Variants in RBFOX3 observed in about 807,000 individuals in gnomAD.
RBFOX3 encodes RNA binding protein fox-1 homolog 3.
In RBFOX3, 17 loss-of-function variants were observed where a neutral mutation model predicts 48.7. The observed-to-expected ratio is 0.35, with a 90% CI of 0.24 to 0.52. The LOEUF is 0.52. RBFOX3 is among the 20% of genes least tolerant of loss of function. RBFOX3 has a pLI of 0.94. For missense variants in RBFOX3, 382 were observed against 497.5 expected, an observed-to-expected ratio of 0.77 and a Z score of 2.21; for synonymous variants, 212 against 209.5, an observed-to-expected ratio of 1.01 and a Z score of -0.10.
At chr17:79,631,291 G>T in the RBFOX3 span, among the ~76,000 whole-genome samples, 1 of 152,068 alleles carries the variant, frequency 6.6e-6, no homozygotes, top group Admixed American at 6.5e-5. Context: ...GGAAGTGTGG[G>T]TCTAAACACT....
At chr17:79,289,890 G>T (rs193038039) in intron 3 of RBFOX3, among the ~76,000 whole-genome samples, 1 of 152,204 alleles carries the variant, frequency 6.6e-6, no homozygotes, top group Admixed American at 6.5e-5. Context: ...AATAACACTG[G>T]GCTATAACTA....
rs1054633691 is a variant in RBFOX3, at chr17:79,345,931, T to C, written c.-174-38107A>G. 1.2e-4 allele frequency among the ~76,000 whole-genome samples: 19 copies of C among 152,310 alleles called. 1 individual carries two copies. Among genetic ancestry groups the C allele is most frequent in the African/African-American group, 4.6e-4 (19 of 41,580 alleles). On this transcript the variant is annotated intron_variant, in intron 2 of 14. Coordinates refer to ENST00000693108, the MANE Select transcript of RBFOX3 (RefSeq NM_001350451.2). ...GAGATTTGTTTTTTGTTTGTTTGTT[T>C]GTTTTGTTTTTTTGAGATGGAGTCT...
chr17:79,265,541 TAGAG>T (rs1213633727), intron 3 of RBFOX3, among the ~76,000 whole-genome samples: 1 of 152,344 alleles, frequency 6.6e-6, no homozygotes, highest in Non-Finnish European at 1.5e-5. Context: ...TCTGGAGAGT[TAGAG>T]AGTCTGATTT....
the RBFOX3 span, among the ~76,000 whole-genome samples, chr17:79,653,023 A>T: frequency 6.6e-6 from 1 of 151,790 alleles, no homozygotes; most frequent in Non-Finnish European, 1.5e-5. Context: ...ATCAGAATTT[A>T]GTGGGAAAAA....
intron 4 of RBFOX3, among the ~76,000 whole-genome samples, chr17:79,118,173 T>C (rs2034625075): frequency 1.3e-5 from 2 of 151,974 alleles, no homozygotes; most frequent in African/African-American, 4.8e-5. Context: ...ACTCGCTGAC[T>C]GGGAACCTAA....
chr17:79,387,784 A>G (rs2060763438), intron 2 of RBFOX3, among the ~76,000 whole-genome samples: 1 of 152,222 alleles, frequency 6.6e-6, no homozygotes, highest in South Asian at 2.1e-4. Context: ...GGGCACTTGG[A>G]GTTCAAGGGA....
At chr17:79,561,233 G>C (rs2092193745) in intron 1 of RBFOX3, among the ~76,000 whole-genome samples, 1 of 152,148 alleles carries the variant, frequency 6.6e-6, no homozygotes, top group Non-Finnish European at 1.5e-5. Flanking sequence ...ATGCCCCTGG[G>C]GGCTTAAGTT....
intron 4 of RBFOX3, among the ~76,000 whole-genome samples, chr17:79,129,427 G>C (rs1284470871): frequency 1.9e-5 from 2 of 104,192 alleles, no homozygotes; most frequent in Admixed American, 2.0e-4. Flanking sequence ...GTGTGCCCTA[G>C]AGACCCAGGG....
chr17:79,554,314 CTCACCT>C (rs2091419417), intron 1 of RBFOX3, among the ~76,000 whole-genome samples: 1 of 151,842 alleles, frequency 6.6e-6, no homozygotes, highest in African/African-American at 2.4e-5. Context: ...ACAGTCACCC[CTCACCT>C]GGCCCTCTCC....
At chr17:79,222,874 C>T in intron 4 of RBFOX3, among the ~76,000 whole-genome samples, 1 of 152,196 alleles carries the variant, frequency 6.6e-6, no homozygotes, top group East Asian at 1.9e-4. Context: ...TTGGGGAGCA[C>T]AGGGTGAGAA....
At chr17:79,378,154 C>A (rs987149384) in intron 2 of RBFOX3, among the ~76,000 whole-genome samples, 2 of 152,098 alleles carry the variant, frequency 1.3e-5, no homozygotes, top group Non-Finnish European at 2.9e-5. Context: ...GGGGTCCCAG[C>A]GGGTCTCCAC....
rs115897457 is a variant in RBFOX3 at position 79,131,324 on chromosome 17, C to T, written c.-33-15576G>A. On this transcript the variant is annotated intron_variant, in intron 4 of 14. Coordinates refer to ENST00000693108, the MANE Select transcript of RBFOX3 (RefSeq NM_001350451.2). ...CCCTCCGTGTGCTGTGCTCTGTGCA[C>T]GCTGGGAACAGCGCTAGAGCGTCTG... is the stretch of plus-strand genomic sequence containing the variant. 1.6e-3 allele frequency among the ~76,000 whole-genome samples: 243 copies of T among 152,370 alleles called. 2 individuals carry two copies. The highest frequency in any genetic ancestry group is 5.5e-3 in the African/African-American group (227 of 41,588).
At chr17:79,227,257 A>C (rs1163142517) in intron 4 of RBFOX3, among the ~76,000 whole-genome samples, 1 of 152,232 alleles carries the variant, frequency 6.6e-6, no homozygotes, top group Non-Finnish European at 1.5e-5. Flanking sequence ...TGAGAGGTCC[A>C]GCGAAGCAGC....
At chr17:79,378,858 C>T (rs567023838) in intron 2 of RBFOX3, among the ~76,000 whole-genome samples, 59 of 152,360 alleles carry the variant, frequency 3.9e-4, no homozygotes, top group African/African-American at 1.4e-3. Context: ...ATCCTGCTCT[C>T]CACAGCCGCA....
At chr17:79,313,381 A>G (rs2145768078) in intron 2 of RBFOX3, among the ~76,000 whole-genome samples, 1 of 152,294 alleles carries the variant, frequency 6.6e-6, no homozygotes, top group East Asian at 1.9e-4. Flanking sequence ...GCCTGGGTCC[A>G]TGCCTCACTT....
chr17:79,398,358 T>C (rs2062314795), intron 2 of RBFOX3, among the ~76,000 whole-genome samples: 1 of 152,094 alleles, frequency 6.6e-6, no homozygotes, highest in Non-Finnish European at 1.5e-5. Context: ...GGTGAAGGTG[T>C]CCCGTCACCC....
At chr17:79,545,413 C>G (rs113738344) in intron 1 of RBFOX3, among the ~76,000 whole-genome samples, 1 of 152,278 alleles carries the variant, frequency 6.6e-6, no homozygotes, top group African/African-American at 2.4e-5. Context: ...GGCTGAGGAG[C>G]CGGCCACAGG....
chr17:79,337,296 C>T (rs570430025), intron 2 of RBFOX3, among the ~76,000 whole-genome samples: 2 of 152,284 alleles, frequency 1.3e-5, no homozygotes, highest in East Asian at 3.9e-4. Flanking sequence ...GCCACACATC[C>T]TAACAAACTT....
At chr17:79,426,845 C>CAAT (rs1555725814) in intron 2 of RBFOX3, among the ~76,000 whole-genome samples, 1 of 152,142 alleles carries the variant, frequency 6.6e-6, no homozygotes, top group East Asian at 1.9e-4. Flanking sequence ...GCTGGGATTA[C>CAAT]AGGCATGCAC....
Sources: allele counts gnomAD v4.1 joint callset (sites outside exome capture counted in the v4.1 genomes callset), GRCh38; gene constraint gnomAD v4.1.1; transcripts MANE v1.5; gene names NCBI Gene and HGNC (gene_info 2026-07-23, HGNC 2026-07-21).